The following SCP2 variants were observed in gnomAD, a reference collection of about 807,000 sequenced individuals.
SCP2 encodes sterol carrier protein 2.
SCP2 carries 48 observed loss-of-function variants against 71.4 expected under a neutral mutation model. That is an observed-to-expected ratio of 0.67 (90% CI 0.53 to 0.86). The LOEUF (loss-of-function observed/expected upper bound fraction) is 0.86. Among genes scored for constraint, SCP2 ranks in the 40% least tolerant of loss-of-function variants. The probability of loss-of-function intolerance (pLI) is 0.00; values close to 1 mark genes in which losing one functional copy is unlikely to be tolerated. For synonymous variants in SCP2, 220 were observed against 218.1 expected (o/e 1.01, Z -0.08); for missense variants, 560 against 655.6 (o/e 0.85, Z 1.59).
At chr1:52,963,987 A>T (rs1656718121) in intron 6 of SCP2, among the ~76,000 whole-genome samples, 1 of 152,054 alleles carries the variant, frequency 6.6e-6, no homozygotes, top group Non-Finnish European at 1.5e-5. Context: ...AGGTACAGAA[A>T]CATGTTTTGC....
At chr1:52,965,826 A>G (rs978708537) in intron 6 of SCP2, among the ~76,000 whole-genome samples, 1 of 135,822 alleles carries the variant, frequency 7.4e-6, no homozygotes, top group Non-Finnish European at 1.6e-5. Context: ...TTTTTTTTTT[A>G]TTAGAGACCT....
chr1:53,049,893 T>A (rs559957630), intron 15 of SCP2: 4 of 152,352 alleles, frequency 2.6e-5, no homozygotes, highest in East Asian at 1.9e-4. Context: ...GCTTTTTTTT[T>A]AAATCTAGCC....
Position 53,027,996 on chromosome 1 carries a change from T to A in SCP2, c.1263T>A (p.Ala421=), listed in dbSNP as rs1233420219. ...ASSFRTHQIE[A]VPTSSASDGF... ...CTTTTAGAACTCATCAAATTGAAGCTGTTCCAACCAGCTCTGCAAGTGATG... is the reference window on the plus strand; with the variant it reads ...CTTTTAGAACTCATCAAATTGAAGCAGTTCCAACCAGCTCTGCAAGTGATG... Residue 421 remains alanine (A), a synonymous_variant, in exon 13 of 16, where the codon GCT becomes GCA. Coordinates refer to ENST00000371514, the MANE Select transcript of SCP2 (RefSeq NM_002979.5). The A allele has an allele frequency of 6.2e-7, 1 of 1,610,344 alleles. No individual in the cohort carries two copies. The highest frequency in any genetic ancestry group is 8.5e-7 in the Non-Finnish European group (1 of 1,176,676).
chr1:52,995,026 TG>T (rs1242447672), intron 11 of SCP2: 33 of 506,822 alleles, frequency 6.5e-5, no homozygotes, highest in South Asian at 5.0e-4. Context: ...AGGCAACAAC[TG>T]GGCCAAAGGC....
chr1:52,999,745 A>G (rs1297200441), intron 11 of SCP2, among the ~76,000 whole-genome samples: 4 of 152,016 alleles, frequency 2.6e-5, no homozygotes, highest in African/African-American at 9.7e-5. Flanking sequence ...GTGTTCAGGT[A>G]ATAATGTCAT....
At chr1:53,031,187 G>A (rs1662522145) in intron 13 of SCP2, among the ~76,000 whole-genome samples, 1 of 152,118 alleles carries the variant, frequency 6.6e-6, no homozygotes, top group Admixed American at 6.5e-5. Context: ...TATGAAGTAT[G>A]AGATATGGCA....
At chr1:52,964,554 T>C (rs867466461) in intron 6 of SCP2, among the ~76,000 whole-genome samples, 2 of 152,182 alleles carry the variant, frequency 1.3e-5, no homozygotes, top group Admixed American at 6.5e-5. Context: ...TATATTGTAA[T>C]ATACTTTAAA....
chr1:52,950,721 T>C (rs770196749), intron 3 of SCP2, 34 bp from the exon 4 acceptor site: 1 of 1,589,010 alleles, frequency 6.3e-7, no homozygotes, highest in East Asian at 2.2e-5. Flanking sequence ...AACTCCATAA[T>C]TCTCCATATT....
chr1:52,960,427 T>A (rs1656235172), intron 5 of SCP2, among the ~76,000 whole-genome samples: 1 of 151,444 alleles, frequency 6.6e-6, no homozygotes, highest in Admixed American at 6.6e-5. Flanking sequence ...CACCTGGGCC[T>A]GCCAAAGTGT....
At chr1:52,953,011 C>T (rs1464134846) in intron 4 of SCP2, among the ~76,000 whole-genome samples, 1 of 148,998 alleles carries the variant, frequency 6.7e-6, no homozygotes, top group Admixed American at 6.7e-5. Flanking sequence ...GCTAGTGGTC[C>T]CTGTTTCTGT....
At chr1:53,037,267 G>A (rs1358271523) in intron 13 of SCP2, among the ~76,000 whole-genome samples, 1 of 151,742 alleles carries the variant, frequency 6.6e-6, no homozygotes, top group African/African-American at 2.4e-5. Flanking sequence ...AAATTATTAG[G>A]TTGCTCTTGT....
chr1:52,984,355 C>G (rs1397620269), intron 10 of SCP2, among the ~76,000 whole-genome samples: 2 of 152,066 alleles, frequency 1.3e-5, no homozygotes, highest in African/African-American at 4.8e-5. Flanking sequence ...TCTATAATCC[C>G]CCTGCTTTTA....
intron 6 of SCP2, among the ~76,000 whole-genome samples, chr1:52,963,302 T>G (rs1179665930): frequency 6.6e-6 from 1 of 152,182 alleles, no homozygotes; most frequent in Non-Finnish European, 1.5e-5. Context: ...CAGGTCCATG[T>G]CTGCTTTGTT....
In SCP2 at chr1:52,974,825, A is replaced by G; in HGVS notation, c.580A>G (p.Asn194Asp). 6.9e-7 allele frequency: 1 copy of G among 1,447,350 alleles called. No individual in the cohort carries two copies. 89.7% of individuals were successfully genotyped at this position (1,447,350 alleles called of 1,614,324 possible). Residue 194 changes from asparagine (N) to aspartate (D), a missense_variant, in exon 7 of 16, where the codon AAT (asparagine) becomes GAT (aspartate). By Grantham distance (23) the Asn-to-Asp change is conservative (BLOSUM62 1). Around this residue, in one of 3 missense-constraint regions of SCP2, gnomAD observed 513 missense variants for 573.1 expected, o/e 0.90. Coordinates refer to ENST00000371514, the MANE Select transcript of SCP2 (RefSeq NM_002979.5). Reference protein sequence around the residue: ...IGWKNHKHSVNNPYSQFQDEY... With the variant: ...IGWKNHKHSVDNPYSQFQDEY... The stretch of plus-strand genomic sequence containing the variant: ...ATGGAAAAATCATAAACATTCAGTT[A>G]ATAACCCGTAAGTATTTCAGAGACA...
intron 2 of SCP2, chr1:52,943,739 G>A (rs1328144843): frequency 2.1e-6 from 1 of 467,110 alleles, no homozygotes; most frequent in South Asian, 1.7e-5. Flanking sequence ...CTGGAAGGGA[G>A]GTTTGCGAAT....
In SCP2 at chr1:52,950,858, G is replaced by T. The variant is rs1010369315; in HGVS notation, c.303G>T (p.Leu101Phe). 2.5e-6 allele frequency: 4 copies of T among 1,614,078 alleles called. No homozygotes were observed. The highest frequency in any genetic ancestry group is 3.4e-6 in the Non-Finnish European group (4 of 1,179,984). ...NNNCATGSTA[L>F]FMARQLIQGG... ...ACTGTGCTACTGGTTCTACTGCTTT[G>T]TTTATGGCCCGCCAGCTGATTCAGG... The change falls in exon 4 of 16, where the codon TTG becomes TTT. Residue 101 changes from leucine to phenylalanine, a missense_variant. Transcript: ENST00000371514.
At chr1:52,939,889 C>T (rs1471888256) in intron 1 of SCP2, among the ~76,000 whole-genome samples, 3 of 151,946 alleles carry the variant, frequency 2.0e-5, no homozygotes, top group African/African-American at 4.8e-5. Context: ...AGTCTGGTCT[C>T]GAATTCCTGA....
At chr1:53,043,335 T>C (rs1205078108) in intron 14 of SCP2, among the ~76,000 whole-genome samples, 1 of 152,268 alleles carries the variant, frequency 6.6e-6, no homozygotes, top group Non-Finnish European at 1.5e-5. Flanking sequence ...CCAGACCATA[T>C]GTTAAACATT....
chr1:53,023,795 A>G (rs1174709486), intron 12 of SCP2, among the ~76,000 whole-genome samples: 1 of 152,126 alleles, frequency 6.6e-6, no homozygotes, highest in Non-Finnish European at 1.5e-5. Flanking sequence ...TTCCCTGTTC[A>G]TATATTAATA....
Sources: allele counts gnomAD v4.1 joint callset (sites outside exome capture counted in the v4.1 genomes callset), GRCh38; gene constraint gnomAD v4.1.1; regional missense constraint gnomAD v4.1.1; transcripts MANE v1.5; gene names NCBI Gene and HGNC (gene_info 2026-07-23, HGNC 2026-07-21).